Variants in AP2B1 observed in about 807,000 individuals in gnomAD.
The protein encoded by AP2B1 is adaptor related protein complex 2 subunit beta 1, also known as AP-2 complex subunit beta.
Under a neutral mutation model 102.0 loss-of-function variants are expected in AP2B1, and 23 were observed. The observed-to-expected ratio is 0.23, with a 90% CI of 0.16 to 0.32. The LOEUF is 0.32. Ranked by LOEUF, AP2B1 falls within the 10% of genes least tolerant of loss-of-function variation. AP2B1 has a pLI of 1.00. For synonymous variants in AP2B1, 381 were observed against 421.2 expected (o/e 0.90, Z 1.17); for missense variants, 541 against 1,157.4 (o/e 0.47, Z 7.73).
intron 18 of AP2B1, among the ~76,000 whole-genome samples, chr17:35,693,642 T>C (rs587694674): frequency 9.2e-5 from 14 of 152,342 alleles, no homozygotes; most frequent in African/African-American, 3.1e-4. Context: ...GAAAATATTA[T>C]CTAATCACTT....
chr17:35,600,846 C>A, intron 3 of AP2B1: 1 of 221,868 alleles, frequency 4.5e-6, no homozygotes, highest in Non-Finnish European at 7.6e-6. Context: ...ATCCCGAGAC[C>A]AAAAAGGTGA....
intron 6 of AP2B1, 125 bp downstream of exon 6, chr17:35,624,712 G>A (rs569608858): frequency 2.6e-6 from 2 of 780,590 alleles, no homozygotes; most frequent in South Asian, 4.3e-5. Context: ...GCTATCTCCA[G>A]GGTATTTTCT....
intron 18 of AP2B1, among the ~76,000 whole-genome samples, chr17:35,695,929 T>C (rs2076133100): frequency 6.6e-6 from 1 of 152,134 alleles, no homozygotes; most frequent in South Asian, 2.1e-4. Flanking sequence ...ATTTGCCAAG[T>C]AGGGTTTACT....
chr17:35,694,435 A>AT (rs2076101194), intron 18 of AP2B1, among the ~76,000 whole-genome samples: 3 of 80,050 alleles, frequency 3.7e-5, no homozygotes, highest in Non-Finnish European at 5.4e-5. Flanking sequence ...TAATTTTTTA[A>AT]TTTTTTGTAG....
intron 5 of AP2B1, among the ~76,000 whole-genome samples, chr17:35,609,220 C>G (rs2073782438): frequency 6.6e-6 from 1 of 152,116 alleles, no homozygotes; most frequent in Non-Finnish European, 1.5e-5. Flanking sequence ...GGATCTTGCT[C>G]TGTGGCCAAG....
chr17:35,662,166 A>G (rs969030587), intron 14 of AP2B1, among the ~76,000 whole-genome samples: 2 of 152,192 alleles, frequency 1.3e-5, no homozygotes, highest in East Asian at 3.9e-4. Flanking sequence ...TGATTCTTGT[A>G]TGCTTTTTTA....
chr17:35,683,607 G>A (rs945127987), intron 18 of AP2B1, among the ~76,000 whole-genome samples: 11 of 152,138 alleles, frequency 7.2e-5, no homozygotes, highest in Non-Finnish European at 1.6e-4. Context: ...GAATGCTTGG[G>A]TGTCAGCTTA....
rs1313367763 is a variant in AP2B1 at position 35,717,199 on chromosome 17, T to C, written c.2631T>C (p.Thr877=). ...QIKECHLNAD[T]VSSKLQNNNV... The stretch of plus-strand genomic sequence containing the variant: ...ATTTTGAATCTGTATTTCTAGACAC[T>C]GTTTCCAGCAAGTTGCAAAACAACA... The change falls in exon 21 of 22, where the codon ACT becomes ACC. Residue 877 remains threonine, a synonymous_variant. Transcript: ENST00000610402. 1 of 1,613,786 alleles carries C rather than the reference T, an allele frequency of 6.2e-7. No individual in the cohort carries two copies. The highest frequency in any genetic ancestry group is 1.7e-5 in the Admixed American group (1 of 59,988).
At chr17:35,620,076 G>A (rs370506791) in intron 5 of AP2B1, among the ~76,000 whole-genome samples, 125 of 152,212 alleles carry the variant, frequency 8.2e-4, no homozygotes, top group African/African-American at 2.5e-3. Context: ...GTGAACCACC[G>A]TGCTCGGCCA....
At chr17:35,646,612 G>A in intron 12 of AP2B1, among the ~76,000 whole-genome samples, 1 of 142,020 alleles carries the variant, frequency 7.0e-6, no homozygotes, top group Non-Finnish European at 1.5e-5. Flanking sequence ...TTGAGATGGA[G>A]TCTCACTCTG....
chr17:35,678,626 T>C (rs879346938), intron 17 of AP2B1, among the ~76,000 whole-genome samples: 6 of 152,208 alleles, frequency 3.9e-5, no homozygotes, highest in Non-Finnish European at 7.4e-5. Context: ...ATGTGAACTT[T>C]TTTAGTCCAT....
chr17:35,648,848 G>A (rs1235577551), intron 12 of AP2B1, among the ~76,000 whole-genome samples: 2 of 151,892 alleles, frequency 1.3e-5, no homozygotes, highest in East Asian at 3.9e-4. Context: ...ATGGAGAAGG[G>A]TTGGATAATT....
chr17:35,623,604 T>A (rs933497624), intron 5 of AP2B1, among the ~76,000 whole-genome samples: 54 of 152,136 alleles, frequency 3.5e-4, no homozygotes, highest in Non-Finnish European at 5.9e-5. Context: ...GTATTATTAT[T>A]TTCTGTATTA....
At chr17:35,640,242 T>TA (rs2074737989) in intron 11 of AP2B1, among the ~76,000 whole-genome samples, 17 of 16,182 alleles carry the variant, frequency 1.1e-3, no homozygotes, top group South Asian at 9.9e-3. Context: ...TTTTTTTTTT[T>TA]TTTTTTTTTT....
chr17:35,677,431 G>A (rs1013295788), intron 17 of AP2B1, among the ~76,000 whole-genome samples: 1 of 151,958 alleles, frequency 6.6e-6, no homozygotes, highest in Non-Finnish European at 1.5e-5. Context: ...TATAGTTTTT[G>A]TTCCTACATT....
intron 5 of AP2B1, among the ~76,000 whole-genome samples, chr17:35,624,091 A>G (rs1255197754): frequency 1.3e-5 from 2 of 152,116 alleles, no homozygotes; most frequent in Non-Finnish European, 2.9e-5. Context: ...TGCTGTTCAT[A>G]TGTCTTGATT....
At chr17:35,640,714 A>G (rs1371277000) in intron 11 of AP2B1, among the ~76,000 whole-genome samples, 1 of 152,218 alleles carries the variant, frequency 6.6e-6, no homozygotes, top group Non-Finnish European at 1.5e-5. Context: ...ATGTCTTACA[A>G]GGTTCAGGGT....
chr17:35,630,518 T>G (rs2074433320), intron 9 of AP2B1, among the ~76,000 whole-genome samples: 1 of 152,220 alleles, frequency 6.6e-6, no homozygotes. Flanking sequence ...TACATAGCCA[T>G]CTTTTCCACA....
At chr17:35,660,506 G>T (rs2075335549) in intron 14 of AP2B1, among the ~76,000 whole-genome samples, 1 of 136,364 alleles carries the variant, frequency 7.3e-6, no homozygotes, top group Non-Finnish European at 1.6e-5. Flanking sequence ...TTTTGGAGGT[G>T]GAGTTTCACT....
Sources: allele counts gnomAD v4.1 joint callset (sites outside exome capture counted in the v4.1 genomes callset), GRCh38; gene constraint gnomAD v4.1.1; transcripts MANE v1.5; gene names NCBI Gene and HGNC (gene_info 2026-07-23, HGNC 2026-07-21).